The following SLC4A10 variants were observed in gnomAD, a reference collection of about 807,000 sequenced individuals.
The protein encoded by SLC4A10 is sodium-driven chloride bicarbonate exchanger.
Under a neutral mutation model 137.7 loss-of-function variants are expected in SLC4A10, and 42 were observed. That is an observed-to-expected ratio of 0.30 (90% confidence interval 0.24 to 0.39). SLC4A10 has a LOEUF of 0.39. Ranked by LOEUF, SLC4A10 falls within the 10% of genes least tolerant of loss-of-function variation. SLC4A10 has a pLI of 1.00. For synonymous variants in SLC4A10, 474 were observed against 464.1 expected (o/e 1.02, Z -0.27); for missense variants, 925 against 1,355.0 (o/e 0.68, Z 4.98).
At chr2:161,654,681 A>G (rs12623977) in intron 1 of SLC4A10, among the ~76,000 whole-genome samples, 132,559 of 152,150 alleles carry the variant, frequency 0.87, 58,362 homozygotes, top group East Asian at 1. Flanking sequence ...AGGTTAGTTG[A>G]CCTTATATGC....
At chr2:161,935,949 G>A (rs538870661) in intron 15 of SLC4A10, among the ~76,000 whole-genome samples, 1 of 152,054 alleles carries the variant, frequency 6.6e-6, no homozygotes, top group African/African-American at 2.4e-5. Context: ...TATTGTGTTG[G>A]GGTACATTCC....
At chr2:161,678,446 A>G in intron 1 of SLC4A10, among the ~76,000 whole-genome samples, 1 of 152,184 alleles carries the variant, frequency 6.6e-6, no homozygotes, top group Admixed American at 6.6e-5. Flanking sequence ...CCAAAGTGAG[A>G]GACGACACGG....
chr2:161,895,379 G>A (rs1559482740), intron 11 of SLC4A10, among the ~76,000 whole-genome samples: 1 of 152,106 alleles, frequency 6.6e-6, no homozygotes, highest in Non-Finnish European at 1.5e-5. Flanking sequence ...ACATACATGT[G>A]CATGTGTCTT....
chr2:161,812,387 A>G (rs1455550139), intron 3 of SLC4A10, among the ~76,000 whole-genome samples: 1 of 151,458 alleles, frequency 6.6e-6, no homozygotes, highest in Non-Finnish European at 1.5e-5. Flanking sequence ...TTTAACTTTG[A>G]ATTTGGGGGT....
intron 15 of SLC4A10, among the ~76,000 whole-genome samples, chr2:161,914,572 A>G (rs1232133221): frequency 6.6e-6 from 1 of 152,214 alleles, no homozygotes; most frequent in East Asian, 1.9e-4. Context: ...CTTGTTCTAA[A>G]GATGATCAAT....
Position 161,957,160 on chromosome 2 carries a change from G to A in SLC4A10, c.2713G>A (p.Gly905Ser), listed in dbSNP as rs531982750. 1.9e-6 allele frequency: 3 copies of A among 1,613,672 alleles called. No homozygotes were observed. The highest frequency in any genetic ancestry group is 2.7e-5 in the African/African-American group (2 of 74,982). ...TCCAGGAGAACAACCCAAATTTCTC[G>A]GCATTCGGGAGCAAAGGGTTACTGG... ...SAPGEQPKFL[G>S]IREQRVTGLM... The change falls in exon 20 of 27, where the codon GGC (glycine) becomes AGC (serine). Residue 905 changes from glycine to serine, a missense_variant. Physicochemically the swap from Gly to Ser is moderately conservative, Grantham distance 56. Transcript: ENST00000446997.
At position 161,677,700 on chromosome 2, in the gene SLC4A10, T is replaced by A. The variant is rs149072113; in HGVS notation, c.48+53134T>A. Among the ~76,000 whole-genome samples, 1,163 of 152,322 alleles carry A rather than the reference T, an allele frequency of 7.6e-3. 17 individuals are homozygous for A. Among genetic ancestry groups the A allele is most frequent in the African/African-American group, 0.026 (1,082 of 41,570 alleles). ...GCTTTACATCAGTTATCTCATTTAATCTTCAAAATAAGTCATGTGATAGGT... is the reference window on the plus strand; with the variant it reads ...GCTTTACATCAGTTATCTCATTTAAACTTCAAAATAAGTCATGTGATAGGT... On this transcript the variant is annotated intron_variant, in intron 1 of 26. Transcript: ENST00000446997.
intron 1 of SLC4A10, among the ~76,000 whole-genome samples, chr2:161,633,845 GATC>G (rs2033984074): frequency 6.6e-6 from 1 of 151,412 alleles, no homozygotes; most frequent in Non-Finnish European, 1.5e-5. Flanking sequence ...TGATTTTTAG[GATC>G]ATTTGGAAGG....
intron 24 of SLC4A10, among the ~76,000 whole-genome samples, chr2:161,976,530 A>G (rs1331110460): frequency 2.0e-5 from 3 of 152,198 alleles, no homozygotes; most frequent in Non-Finnish European, 2.9e-5. Context: ...CTGGAAATGG[A>G]TGGTGGTGAT....
chr2:161,688,765 A>T (rs2041685941), intron 1 of SLC4A10, among the ~76,000 whole-genome samples: 1 of 152,318 alleles, frequency 6.6e-6, no homozygotes, highest in Admixed American at 6.5e-5. Context: ...GAAAATCATG[A>T]TAACGTTTGT....
At chr2:161,810,420 G>C (rs1397937603) in intron 3 of SLC4A10, among the ~76,000 whole-genome samples, 1 of 152,026 alleles carries the variant, frequency 6.6e-6, no homozygotes, top group Non-Finnish European at 1.5e-5. Flanking sequence ...GGAGTGGTAA[G>C]AGTAGGCATC....
At chr2:161,696,885 T>A (rs532236267) in intron 1 of SLC4A10, among the ~76,000 whole-genome samples, 69 of 152,304 alleles carry the variant, frequency 4.5e-4, no homozygotes, top group African/African-American at 1.5e-3. Flanking sequence ...CGCCACACTG[T>A]CTTCCACAAT....
At chr2:161,966,313 A>G (rs1480085013) in intron 23 of SLC4A10, among the ~76,000 whole-genome samples, 1 of 152,120 alleles carries the variant, frequency 6.6e-6, no homozygotes, top group Non-Finnish European at 1.5e-5. Context: ...GAATGTTTCA[A>G]TTTTTCCAAA....
intron 1 of SLC4A10, among the ~76,000 whole-genome samples, chr2:161,729,096 A>G (rs1184692164): frequency 6.6e-6 from 1 of 152,218 alleles, no homozygotes; most frequent in African/African-American, 2.4e-5. Flanking sequence ...GTAACACTTA[A>G]TGGTGAAAGA....
intron 1 of SLC4A10, among the ~76,000 whole-genome samples, chr2:161,632,550 A>G (rs754938681): frequency 7.2e-5 from 11 of 151,798 alleles, no homozygotes; most frequent in Middle Eastern, 3.4e-3. Context: ...AATGTCTGTT[A>G]AAAACATGTC....
At chr2:161,686,383 T>G (rs867730661) in intron 1 of SLC4A10, among the ~76,000 whole-genome samples, 1 of 152,162 alleles carries the variant, frequency 6.6e-6, no homozygotes. Context: ...AAATATCAAT[T>G]TATTAAATAT....
At chr2:161,923,166 A>G (rs1342520435) in intron 15 of SLC4A10, among the ~76,000 whole-genome samples, 1 of 152,228 alleles carries the variant, frequency 6.6e-6, no homozygotes, top group African/African-American at 2.4e-5. Context: ...TGTTTATGTA[A>G]TCACTCTGTA....
In SLC4A10 at chr2:161,839,958, A is replaced by T. The variant is rs758090214; in HGVS notation, c.416+31A>T. 13 of 1,608,452 alleles carry T rather than the reference A, an allele frequency of 8.1e-6. No individual in the cohort carries two copies. In the Admixed American group the frequency reaches 2.2e-4, roughly 27 times the overall value. On this transcript the variant is annotated intron_variant, in intron 4 of 26. Transcript: ENST00000446997. ...GATTTTTGTTAAAGGGTGAAGGTAT[A>T]CTAAAGAATTTTCATGTTACTAGAA...
At chr2:161,745,498 A>C (rs1457537298) in intron 1 of SLC4A10, among the ~76,000 whole-genome samples, 1 of 152,168 alleles carries the variant, frequency 6.6e-6, no homozygotes, top group African/African-American at 2.4e-5. Context: ...GAGCTTCCTG[A>C]AAACAGCTCT....
Sources: allele counts gnomAD v4.1 joint callset (sites outside exome capture counted in the v4.1 genomes callset), GRCh38; gene constraint gnomAD v4.1.1; transcripts MANE v1.5; gene names NCBI Gene and HGNC (gene_info 2026-07-23, HGNC 2026-07-21).